The following USH2A variants were observed in gnomAD, a reference collection of about 807,000 sequenced individuals.
The protein encoded by USH2A is Usher syndrome 2A (autosomal recessive, mild).
USH2A carries 443 observed loss-of-function variants against 538.9 expected under a neutral mutation model. The observed-to-expected ratio is 0.82, with a 90% confidence interval of 0.76 to 0.89. USH2A has a LOEUF of 0.89. Ranked by LOEUF, USH2A falls within the 40% of genes least tolerant of loss-of-function variation. The pLI is 0.00. For synonymous variants in USH2A, 2,413 were observed against 2,273.5 expected, an observed-to-expected ratio of 1.06 and a Z score of -1.75; for missense variants, 6,633 against 6,324.8, an observed-to-expected ratio of 1.05 and a Z score of -1.65.
At chr1:216,042,472 CACT>C (rs1190419766) in intron 32 of USH2A, among the ~76,000 whole-genome samples, 1 of 151,946 alleles carries the variant, frequency 6.6e-6, no homozygotes, top group Non-Finnish European at 1.5e-5. Context: ...CCTAAACTGA[CACT>C]ATTATTGAAA....
In USH2A at chr1:216,072,896, T is replaced by C. The variant is rs2031604969; in HGVS notation, c.5850A>G (p.Thr1950=). The change falls in exon 29 of 72, where the codon ACA becomes ACG. Residue 1950 remains threonine (T), a synonymous_variant. Transcript: ENST00000307340. ...VYSDWSRGRT[T]GAAPQSVPTP... ...TTGAAGATAAGTATTTACCTGCTCC[T>C]GTTGTACGTCCTCGACTCCAATCAC... 1 of 1,613,828 alleles carries C rather than the reference T, an allele frequency of 6.2e-7. No homozygotes were observed. The highest frequency in any genetic ancestry group is 1.7e-5 in the Admixed American group (1 of 60,002).
rs12140451 is a variant in USH2A at position 215,680,493 on chromosome 1, A to G, written c.12067-117T>C. 0.23 allele frequency: 209,804 copies of G among 923,202 alleles called. 27,218 individuals carry two copies. The highest frequency in any genetic ancestry group is 0.47 in the South Asian group (33,035 of 71,006). 57.2% of individuals were successfully genotyped at this position (923,202 alleles called of 1,614,324 possible). A position where few individuals can be genotyped will look rare whatever the true frequency, so the allele number is the denominator to read the frequency against. The stretch of plus-strand genomic sequence containing the variant: ...GCTTGTAGGCAACAGCAGCGCAAAC[A>G]CTACAGCAGAGTTTTGAATTATCAT... On this transcript the variant is annotated intron_variant, in intron 61 of 71. Transcript: ENST00000307340.
chr1:216,218,810 T>C (rs2035395144), intron 14 of USH2A, among the ~76,000 whole-genome samples: 2 of 152,086 alleles, frequency 1.3e-5, no homozygotes, highest in Non-Finnish European at 2.9e-5. Flanking sequence ...GATGTTTTGT[T>C]TAGGTTAAGT....
chr1:216,363,929 T>C (rs2038543633), intron 4 of USH2A, among the ~76,000 whole-genome samples: 1 of 151,664 alleles, frequency 6.6e-6, no homozygotes, highest in Admixed American at 6.6e-5. Context: ...ACTAAAAATC[T>C]GTAGGAGTAT....
chr1:215,857,597 TTGAG>T (rs1664204553), intron 44 of USH2A, among the ~76,000 whole-genome samples: 1 of 152,256 alleles, frequency 6.6e-6, no homozygotes, highest in East Asian at 1.9e-4. Flanking sequence ...ACATGTGCAA[TTGAG>T]TTTTACATCC....
chr1:216,270,405 T>C (rs2036552347), intron 11 of USH2A, among the ~76,000 whole-genome samples: 1 of 152,168 alleles, frequency 6.6e-6, no homozygotes, highest in African/African-American at 2.4e-5. Context: ...TCAATGCATA[T>C]ATTCTTCAGA....
At chr1:215,973,164 A>C (rs1667535699) in intron 35 of USH2A, among the ~76,000 whole-genome samples, 1 of 152,220 alleles carries the variant, frequency 6.6e-6, no homozygotes, top group South Asian at 2.1e-4. Flanking sequence ...CCTGCTTTTT[A>C]ACTGAGATAC....
chr1:215,636,051 C>T (rs958649922), intron 69 of USH2A, among the ~76,000 whole-genome samples: 1 of 152,130 alleles, frequency 6.6e-6, no homozygotes, highest in Non-Finnish European at 1.5e-5. Context: ...GGATCTGATG[C>T]AGCGGCCACA....
intron 3 of USH2A, among the ~76,000 whole-genome samples, chr1:216,395,642 A>G (rs959167818): frequency 4.6e-5 from 7 of 152,228 alleles, no homozygotes; most frequent in African/African-American, 1.2e-4. Flanking sequence ...GAGACTGTAA[A>G]GAAGTTTCTC....
intron 38 of USH2A, among the ~76,000 whole-genome samples, chr1:215,910,253 T>C (rs1302892544): frequency 6.6e-6 from 1 of 152,044 alleles, no homozygotes; most frequent in Non-Finnish European, 1.5e-5. Context: ...TTTTTACATT[T>C]TTAACTTAAT....
At chr1:216,206,214 A>G in intron 16 of USH2A, among the ~76,000 whole-genome samples, 1 of 152,150 alleles carries the variant, frequency 6.6e-6, no homozygotes, top group Non-Finnish European at 1.5e-5. Flanking sequence ...AGATCTATTT[A>G]TTATGTCTTC....
At chr1:216,393,576 A>G (rs1368167273) in intron 3 of USH2A, among the ~76,000 whole-genome samples, 1 of 152,166 alleles carries the variant, frequency 6.6e-6, no homozygotes, top group Admixed American at 6.5e-5. Flanking sequence ...TCTCGTATAT[A>G]AAATGGCAAT....
intron 21 of USH2A, chr1:216,173,909 T>C (rs755435439): frequency 2.3e-4 from 216 of 921,772 alleles, no homozygotes; most frequent in Non-Finnish European, 2.6e-4. Flanking sequence ...TTTACTATTA[T>C]TCATGTATTC....
intron 32 of USH2A, among the ~76,000 whole-genome samples, chr1:216,041,565 T>G (rs1230177084): frequency 6.6e-6 from 1 of 152,058 alleles, no homozygotes; most frequent in Admixed American, 6.6e-5. Context: ...AGAAAAAAAT[T>G]GTTGACACTT....
At chr1:216,008,332 C>G (rs1355107741) in intron 32 of USH2A, among the ~76,000 whole-genome samples, 3 of 151,812 alleles carry the variant, frequency 2.0e-5, no homozygotes, top group African/African-American at 7.3e-5. Context: ...CTCAAAAGCT[C>G]CCCCACTGAG....
intron 50 of USH2A, among the ~76,000 whole-genome samples, chr1:215,793,392 T>G (rs1009995621): frequency 1.1e-4 from 17 of 152,164 alleles, no homozygotes; most frequent in Admixed American, 1.1e-3. Context: ...AGGTTTGTGA[T>G]TAGTCATCCT....
At chr1:215,928,623 A>C (rs2102494626) in intron 38 of USH2A, among the ~76,000 whole-genome samples, 1 of 152,176 alleles carries the variant, frequency 6.6e-6, no homozygotes, top group Non-Finnish European at 1.5e-5. Context: ...AGTTTGAGGC[A>C]AGCAAAGGTT....
chr1:216,096,447 C>G (rs963233237), intron 22 of USH2A, among the ~76,000 whole-genome samples: 2 of 152,348 alleles, frequency 1.3e-5, no homozygotes, highest in African/African-American at 2.4e-5. Flanking sequence ...TCCTGACCAA[C>G]TTTTCTTCAT....
chr1:216,187,390 A>G (rs561819477), intron 20 of USH2A, among the ~76,000 whole-genome samples: 6 of 152,068 alleles, frequency 3.9e-5, no homozygotes, highest in Admixed American at 2.0e-4. Context: ...AAATGTAGTA[A>G]TAATACATTT....
Sources: gnomAD v4.1 joint callset for allele counts (sites outside exome capture counted in the v4.1 genomes callset) on GRCh38, gnomAD v4.1.1 for gene constraint, MANE v1.5 for transcripts, NCBI Gene and HGNC (gene_info 2026-07-23, HGNC 2026-07-21) for gene names.